GRHL2: variants seen among roughly 807,000 people sequenced by gnomAD.
GRHL2 encodes grainyhead-like protein 2 homolog.
A neutral mutation model predicts 83.8 loss-of-function variants in GRHL2; 21 were observed. The observed-to-expected ratio is 0.25, with a 90% CI of 0.18 to 0.36. GRHL2 has a LOEUF of 0.36. Ranked by LOEUF, GRHL2 falls within the 10% of genes least tolerant of loss-of-function variation. GRHL2 has a pLI of 1.00. For synonymous variants in GRHL2, 280 were observed against 278.9 expected (o/e 1.00, Z -0.04); for missense variants, 623 against 781.8 (o/e 0.80, Z 2.42).
chr8:101,662,087 A>G lies in GRHL2; in HGVS notation c.1699-2367A>G, dbSNP rs115123043. ...TCAACTTCAAAAAATGTTTAGATCAATAATCATATTTGTATATCAGAATTT... is the reference window on the plus strand; with the variant it reads ...TCAACTTCAAAAAATGTTTAGATCAGTAATCATATTTGTATATCAGAATTT... On this transcript the variant is annotated intron_variant, in intron 14 of 15. Coordinates refer to ENST00000646743, the MANE Select transcript of GRHL2 (RefSeq NM_024915.4). Among the ~76,000 whole-genome samples, 968 of 152,356 alleles carry G rather than the reference A, an allele frequency of 6.4e-3. 8 individuals carry two copies. The highest frequency in any genetic ancestry group is 0.022 in the African/African-American group (903 of 41,594).
intron 8 of GRHL2, among the ~76,000 whole-genome samples, chr8:101,605,482 C>T (rs116964065): frequency 1.9e-3 from 293 of 152,274 alleles, no homozygotes; most frequent in Non-Finnish European, 3.6e-3. Flanking sequence ...CTGTTTGTAT[C>T]CAGAAAGAAA....
intron 9 of GRHL2, among the ~76,000 whole-genome samples, chr8:101,621,268 CA>C (rs1456837009): frequency 6.6e-6 from 1 of 152,092 alleles, no homozygotes; most frequent in Middle Eastern, 3.2e-3. Context: ...GCCCACAAAA[CA>C]GGTGAAAACT....
chr8:101,559,351 T>TGCAAAAAAA (rs1285229771), intron 4 of GRHL2, among the ~76,000 whole-genome samples: 2,113 of 18,846 alleles, frequency 0.11, 94 homozygotes, highest in Non-Finnish European at 0.17. Context: ...CTACTAAAAA[T>TGCAAAAAAA]ACAAAAAAAA....
In GRHL2 at chr8:101,573,750, G is replaced by A. The variant is rs1811875033; in HGVS notation, c.817G>A (p.Gly273Arg). ...GEGPMTYLNK[G>R]QFYAITLSET... is the part of the protein sequence containing the mutation. ...GGGCCCCATGACCTACCTCAACAAA[G>A]GACAGTTCTATGCCATAACACTCAG... Residue 273 changes from glycine (G) to arginine (R), a missense_variant, in exon 6 of 16, where the codon GGA becomes AGA. Physicochemically the swap from Gly to Arg is moderately radical, Grantham distance 125. Transcript: ENST00000646743. 6.2e-7 allele frequency: 1 copy of A among 1,614,112 alleles called. No individual in the cohort carries two copies. The highest frequency in any genetic ancestry group is 8.5e-7 in the Non-Finnish European group (1 of 1,180,012).
In GRHL2 at chr8:101,576,317, G is replaced by A. The variant is rs75798195; in HGVS notation, c.892-1091G>A. On this transcript the variant is annotated intron_variant, in intron 6 of 15. Coordinates refer to ENST00000646743, the MANE Select transcript of GRHL2 (RefSeq NM_024915.4). Reference sequence around the variant, plus strand: ...AAGCCTCAACCTCCCAAGCTCAAACGGATCCTCCTGTCTCAGCCTTCCAAG... The same window carrying A: ...AAGCCTCAACCTCCCAAGCTCAAACAGATCCTCCTGTCTCAGCCTTCCAAG... Among the ~76,000 whole-genome samples the A allele has an allele frequency of 9.3e-4, 142 of 152,214 alleles. No homozygotes were observed. The East Asian group carries it at 0.011, about 12-fold the overall frequency.
At chr8:101,498,749 A>G (rs1563551199) in intron 1 of GRHL2, among the ~76,000 whole-genome samples, 1 of 152,160 alleles carries the variant, frequency 6.6e-6, no homozygotes, top group Non-Finnish European at 1.5e-5. Context: ...AATTTCTACT[A>G]GGCTCAGGAA....
chr8:101,508,355 T>A (rs1810382404), intron 1 of GRHL2, among the ~76,000 whole-genome samples: 1 of 151,922 alleles, frequency 6.6e-6, no homozygotes, highest in Non-Finnish European at 1.5e-5. Flanking sequence ...AAATGGTACT[T>A]GTTCTGAATT....
At chr8:101,553,078 CTT>C (rs1482255798) in intron 3 of GRHL2, among the ~76,000 whole-genome samples, 1 of 152,230 alleles carries the variant, frequency 6.6e-6, no homozygotes, top group Non-Finnish European at 1.5e-5. Context: ...CTGGGATTAA[CTT>C]TTCTGATCAA....
downstream of GRHL2, among the ~76,000 whole-genome samples, chr8:101,672,405 A>C (rs1235510428): frequency 6.6e-6 from 1 of 151,822 alleles, no homozygotes; most frequent in Non-Finnish European, 1.5e-5. Flanking sequence ...TACGTGAAGA[A>C]TGCAGAAGCC....
At chr8:101,672,455 C>T (rs963923313), downstream of GRHL2, among the ~76,000 whole-genome samples, 1 of 151,490 alleles carries the variant, frequency 6.6e-6, no homozygotes, top group Non-Finnish European at 1.5e-5. Context: ...AGGGTATCAG[C>T]AATGGAAGAT....
chr8:101,569,187 A>G (rs549685261), intron 4 of GRHL2, among the ~76,000 whole-genome samples: 94 of 152,224 alleles, frequency 6.2e-4, no homozygotes, highest in Non-Finnish European at 1.2e-3. Context: ...GCTTCCGATC[A>G]AGAATTAGGG....
At chr8:101,532,989 G>T (rs1272006048) in intron 1 of GRHL2, among the ~76,000 whole-genome samples, 1 of 152,136 alleles carries the variant, frequency 6.6e-6, no homozygotes, top group Non-Finnish European at 1.5e-5. Context: ...TCAGTTTTGG[G>T]AATGATGGAC....
intron 14 of GRHL2, among the ~76,000 whole-genome samples, chr8:101,662,776 A>G (rs1210144677): frequency 1.3e-5 from 2 of 152,174 alleles, no homozygotes; most frequent in Non-Finnish European, 2.9e-5. Flanking sequence ...AAAAAGTAAA[A>G]GGATCTCCTT....
chr8:101,636,399 A>G (rs1251725695), intron 11 of GRHL2, among the ~76,000 whole-genome samples: 1 of 152,104 alleles, frequency 6.6e-6, no homozygotes, highest in Non-Finnish European at 1.5e-5. Flanking sequence ...GAGTAAGTAG[A>G]CAGGCCTAGT....
intron 2 of GRHL2, among the ~76,000 whole-genome samples, chr8:101,551,297 A>C (rs1811374788): frequency 6.6e-6 from 1 of 152,228 alleles, no homozygotes; most frequent in Non-Finnish European, 1.5e-5. Context: ...TAATTTTACT[A>C]AAAACCTGTG....
intron 3 of GRHL2, among the ~76,000 whole-genome samples, chr8:101,554,675 C>A (rs1212492196): frequency 6.6e-6 from 1 of 152,170 alleles, no homozygotes; most frequent in Non-Finnish European, 1.5e-5. Flanking sequence ...AGTATCATTA[C>A]AACTGTTTGT....
At chr8:101,555,809 G>A (rs1418461095) in intron 3 of GRHL2, among the ~76,000 whole-genome samples, 2 of 152,142 alleles carry the variant, frequency 1.3e-5, no homozygotes, top group South Asian at 2.1e-4. Flanking sequence ...TGTTCATGTG[G>A]AGAAATTCTT....
intron 9 of GRHL2, among the ~76,000 whole-genome samples, chr8:101,625,120 CT>C (rs1234731596): frequency 2.0e-5 from 3 of 151,992 alleles, no homozygotes; most frequent in Non-Finnish European, 4.4e-5. Context: ...TTTGAATTCC[CT>C]TACTTTATTT....
At chr8:101,598,581 AT>A (rs61519476) in intron 7 of GRHL2, among the ~76,000 whole-genome samples, 11 of 117,654 alleles carry the variant, frequency 9.3e-5, no homozygotes, top group East Asian at 5.2e-4. Flanking sequence ...GGTCTCCTGA[AT>A]TTTTTTTTTT....
Sources: gnomAD v4.1 joint callset for allele counts (sites outside exome capture counted in the v4.1 genomes callset) on GRCh38, gnomAD v4.1.1 for gene constraint, MANE v1.5 for transcripts, NCBI Gene and HGNC (gene_info 2026-07-23, HGNC 2026-07-21) for gene names.